CCSER1: variants seen among roughly 807,000 people sequenced by gnomAD.
CCSER1 encodes the protein coiled-coil serine rich protein 1, also known as serine-rich coiled-coil domain-containing protein 1.
CCSER1 carries 41 observed loss-of-function variants against 82.0 expected under a neutral mutation model. The ratio of observed to expected loss-of-function variants is 0.50; its 90% CI spans 0.39 to 0.65. The LOEUF is 0.65. CCSER1 is among the 30% of genes least tolerant of loss of function. The pLI is 0.00. For synonymous variants in CCSER1, 414 were observed against 383.9 expected (o/e 1.08, Z -0.92); for missense variants, 1,119 against 1,064.2 (o/e 1.05, Z -0.72).
At position 91,031,101 on chromosome 4, in the gene CCSER1, G is replaced by A. The variant is rs118123160; in HGVS notation, c.2173-54849G>A. Among the ~76,000 whole-genome samples the A allele has an allele frequency of 3.4e-3, 517 of 152,240 alleles. 10 individuals are homozygous for A. In the East Asian group the frequency reaches 0.036, roughly 11 times the overall value. On this transcript the variant is annotated intron_variant, in intron 9 of 10. Transcript: ENST00000509176. Reference sequence around the variant, plus strand: ...TTTGTTTTGGGAAAAGTGAAGTTGCGGATATTTTTCACTGTGGCTCATTAT... The same window carrying A: ...TTTGTTTTGGGAAAAGTGAAGTTGCAGATATTTTTCACTGTGGCTCATTAT...
At chr4:91,526,186 A>G (rs190822824) in intron 10 of CCSER1, among the ~76,000 whole-genome samples, 4 of 152,276 alleles carry the variant, frequency 2.6e-5, no homozygotes, top group Admixed American at 2.6e-4. Flanking sequence ...CCTGCTAGCT[A>G]AAAGCTTCCT....
chr4:90,468,864 AT>A (rs1273382695), intron 5 of CCSER1, among the ~76,000 whole-genome samples: 60 of 152,126 alleles, frequency 3.9e-4, no homozygotes, highest in Admixed American at 3.9e-3. Flanking sequence ...TTAAATTAAA[AT>A]TTGATCTTCT....
intron 4 of CCSER1, among the ~76,000 whole-genome samples, chr4:90,461,104 C>A (rs1054735227): frequency 9.4e-6 from 1 of 105,864 alleles, no homozygotes; most frequent in Non-Finnish European, 1.8e-5. Flanking sequence ...CTCGCTCTGT[C>A]GCCCAGGCTG....
At chr4:91,275,317 G>GT (rs1401306446) in intron 10 of CCSER1, among the ~76,000 whole-genome samples, 4 of 150,410 alleles carry the variant, frequency 2.7e-5, no homozygotes, top group African/African-American at 9.8e-5. Context: ...GTTTGTTTTT[G>GT]TTTTTTGTTT....
intron 1 of CCSER1, among the ~76,000 whole-genome samples, chr4:90,202,952 C>A (rs1235136664): frequency 1.3e-5 from 2 of 152,076 alleles, no homozygotes; most frequent in Non-Finnish European, 2.9e-5. Context: ...GGAATATTTG[C>A]AATCTGTATT....
chr4:90,533,520 C>T (rs551458273), intron 5 of CCSER1, among the ~76,000 whole-genome samples: 1 of 152,198 alleles, frequency 6.6e-6, no homozygotes, highest in Non-Finnish European at 1.5e-5. Context: ...ATTGCAGATA[C>T]CTTCCAGATT....
At chr4:90,560,829 G>C (rs747045931) in intron 5 of CCSER1, among the ~76,000 whole-genome samples, 2 of 152,046 alleles carry the variant, frequency 1.3e-5, no homozygotes, top group Non-Finnish European at 2.9e-5. Context: ...TTTAGATAAA[G>C]ACTGAAAATG....
chr4:91,312,156 G>A (rs976782091), intron 10 of CCSER1, among the ~76,000 whole-genome samples: 1 of 151,736 alleles, frequency 6.6e-6, no homozygotes, highest in Admixed American at 6.6e-5. Context: ...TGCACAGTAA[G>A]TCATCTCTAA....
chr4:91,330,466 AT>A (rs1016887747), intron 10 of CCSER1, among the ~76,000 whole-genome samples: 4 of 149,030 alleles, frequency 2.7e-5, no homozygotes, highest in Admixed American at 1.4e-4. Context: ...GTCTCTTTCT[AT>A]TTTTTTTCCA....
chr4:90,492,755 T>A (rs1309183099), intron 5 of CCSER1, among the ~76,000 whole-genome samples: 1 of 152,226 alleles, frequency 6.6e-6, no homozygotes, highest in East Asian at 1.9e-4. Context: ...CATCTTTATT[T>A]CTGCCTTCAT....
In CCSER1 at chr4:90,472,595, C is replaced by T. The variant is rs542824539; in HGVS notation, c.1724+4241C>T. 1.9e-4 allele frequency among the ~76,000 whole-genome samples: 29 copies of T among 152,286 alleles called. No homozygotes were observed. In the East Asian group the frequency reaches 3.3e-3, roughly 17 times the overall value. On this transcript the variant is annotated intron_variant, in intron 5 of 10. Coordinates refer to ENST00000509176, the MANE Select transcript of CCSER1 (RefSeq NM_001145065.2). ...TCCACTTCCTGCAATATCTAAAATT[C>T]ATCTTAATTCAGAAAACAAAGGTGG...
intron 3 of CCSER1, among the ~76,000 whole-genome samples, chr4:90,322,770 C>G (rs1333233621): frequency 6.6e-6 from 1 of 152,062 alleles, no homozygotes; most frequent in Non-Finnish European, 1.5e-5. Flanking sequence ...TTCACTTTCC[C>G]CTAAACAGAA....
chr4:90,667,007 C>G (rs113781139), intron 6 of CCSER1, among the ~76,000 whole-genome samples: 33 of 152,222 alleles, frequency 2.2e-4, no homozygotes, highest in South Asian at 1.2e-3. Context: ...ATCAAGAGGT[C>G]TGCAAAGAAA....
At chr4:90,973,688 G>A (rs548103071) in intron 9 of CCSER1, among the ~76,000 whole-genome samples, 28 of 151,666 alleles carry the variant, frequency 1.8e-4, no homozygotes, top group East Asian at 1.4e-3. Context: ...AAATAAGTAC[G>A]TCAAAGAGAT....
chr4:90,128,015 G>A (rs979804942), intron 1 of CCSER1, among the ~76,000 whole-genome samples, 184 bp downstream of exon 1: 2 of 151,900 alleles, frequency 1.3e-5, no homozygotes, highest in Admixed American at 6.6e-5. Context: ...CCTTGCGGGC[G>A]GGGTGGGAAG....
chr4:90,951,160 G>A (rs1381450678), intron 9 of CCSER1: 1 of 152,054 alleles, frequency 6.6e-6, no homozygotes, highest in East Asian at 1.9e-4. Context: ...CATGTCTGAA[G>A]GTTAGTGAGC....
rs145019280 is a variant in CCSER1, at chr4:90,786,642, G to A, written c.2011-29120G>A. On this transcript the variant is annotated intron_variant, in intron 7 of 10. Transcript: ENST00000509176. ...TTTTCCATTTACCACATGGACTTTT[G>A]TGTACAGAAAATCTCTCTGTTTTTC... Among the ~76,000 whole-genome samples the A allele has an allele frequency of 1.6e-3, 240 of 152,052 alleles. 1 individual carries two copies. Among genetic ancestry groups the A allele is most frequent in the Non-Finnish European group, 2.8e-3 (187 of 67,986 alleles).
At chr4:90,162,868 CAGTG>C (rs1446891096) in intron 1 of CCSER1, among the ~76,000 whole-genome samples, 2 of 152,118 alleles carry the variant, frequency 1.3e-5, no homozygotes, top group African/African-American at 2.4e-5. Context: ...CTGTTAGAAA[CAGTG>C]ACTTAGATAA....
rs559430445 is a variant in CCSER1, at chr4:90,313,148, T to C, written c.1509+101T>C. 3 of 990,628 alleles carry C rather than the reference T, an allele frequency of 3.0e-6. No homozygotes were observed. In the African/African-American group the frequency reaches 4.9e-5, roughly 16 times the overall value. The allele number at this position is 990,628 out of a possible 1,614,324, so 61.4% of individuals were successfully genotyped here. On this transcript the variant is annotated intron_variant, in intron 3 of 10. Coordinates refer to ENST00000509176, the MANE Select transcript of CCSER1 (RefSeq NM_001145065.2). ...GAACACAGACTACAGGATAGACACCTCATATTTGAAGGGAAAATTTGTTTC... is the reference window on the plus strand; with the variant it reads ...GAACACAGACTACAGGATAGACACCCCATATTTGAAGGGAAAATTTGTTTC...
Sources: allele counts gnomAD v4.1 joint callset (sites outside exome capture counted in the v4.1 genomes callset), GRCh38; gene constraint gnomAD v4.1.1; transcripts MANE v1.5; gene names NCBI Gene and HGNC (gene_info 2026-07-23, HGNC 2026-07-21).